The following MAML2 variants were observed in gnomAD, a reference collection of about 807,000 sequenced individuals.
MAML2 encodes mastermind like transcriptional coactivator 2.
MAML2 carries 22 observed loss-of-function variants against 96.1 expected under a neutral mutation model. That is an observed-to-expected ratio of 0.23 (90% CI 0.16 to 0.33). MAML2 has a LOEUF of 0.33. MAML2 is among the 10% of genes least tolerant of loss of function. The probability of loss-of-function intolerance (pLI) is 1.00; values close to 1 mark genes in which losing one functional copy is unlikely to be tolerated. For synonymous variants in MAML2, 561 were observed against 521.3 expected, an observed-to-expected ratio of 1.08 and a Z score of -1.04; for missense variants, 1,367 against 1,392.4, an observed-to-expected ratio of 0.98 and a Z score of 0.29.
Position 96,092,676 on chromosome 11 carries a change from T to C in MAML2, c.1355A>G (p.His452Arg). 2 of 1,613,966 alleles carry C rather than the reference T, an allele frequency of 1.2e-6. No homozygotes were observed. Among genetic ancestry groups the C allele is most frequent in the Non-Finnish European group, 1.7e-6 (2 of 1,179,872 alleles). Residue 452 changes from histidine (H) to arginine (R), a missense_variant, in exon 2 of 5, where the codon CAC (histidine) becomes CGC (arginine). His to Arg is a conservative substitution (Grantham distance 29). Coordinates refer to ENST00000524717, the MANE Select transcript of MAML2 (RefSeq NM_032427.4). The surrounding 1 kb of genome is among the most constrained non-coding windows in gnomAD (Gnocchi z 4.1). ...NRQQHARMQQ[H>R]QQQHQPTNWS... Reference sequence around the variant, plus strand: ...GTTGGTAGGCTGGTGCTGCTGCTGGTGCTGCTGCATCCGGGCATGCTGCTG... The same window carrying C: ...GTTGGTAGGCTGGTGCTGCTGCTGGCGCTGCTGCATCCGGGCATGCTGCTG...
At chr11:96,063,505 G>A (rs1275860721) in intron 2 of MAML2, among the ~76,000 whole-genome samples, 1 of 152,160 alleles carries the variant, frequency 6.6e-6, no homozygotes, top group African/African-American at 2.4e-5. Flanking sequence ...GGACTGAGTA[G>A]TAACTATGTA....
intron 2 of MAML2, among the ~76,000 whole-genome samples, chr11:96,038,948 T>C (rs977900050): frequency 6.6e-6 from 1 of 152,144 alleles, no homozygotes; most frequent in Non-Finnish European, 1.5e-5. Flanking sequence ...AATGAATAAA[T>C]AAATGAATGA....
At chr11:96,332,744 G>A (rs1316589704) in intron 1 of MAML2, among the ~76,000 whole-genome samples, 1 of 152,186 alleles carries the variant, frequency 6.6e-6, no homozygotes, top group Non-Finnish European at 1.5e-5. Context: ...TAGGTGAACA[G>A]AAACATCAAC....
intron 1 of MAML2, among the ~76,000 whole-genome samples, chr11:96,105,960 T>A (rs1860015083): frequency 1.3e-5 from 2 of 152,104 alleles, no homozygotes; most frequent in African/African-American, 4.8e-5. Context: ...ATAGAAAAGG[T>A]CCTTTGCTTT....
chr11:96,092,204 CTGCTGT>C lies in MAML2; in HGVS notation c.1821_1826del (p.Gln620_Gln621del), dbSNP rs1298646755. 1.7e-5 allele frequency: 25 copies of C among 1,475,034 alleles called. No homozygotes were observed. The highest frequency in any genetic ancestry group is 1.3e-4 in the East Asian group (5 of 37,802). 91.4% of individuals were successfully genotyped at this position (1,475,034 alleles called of 1,614,324 possible). On this transcript the variant is annotated inframe_deletion, in exon 2 of 5. Coordinates refer to ENST00000524717, the MANE Select transcript of MAML2 (RefSeq NM_032427.4). The surrounding 1 kb of genome is among the most constrained non-coding windows in gnomAD (Gnocchi z 4.1). ...GTTGCTGTTGCTGTTGCTGCTGCTGCTGCTGTTGCTGCTGCTGCTGCTGCTGCTGCT... is the reference window on the plus strand; with the variant it reads ...GTTGCTGTTGCTGTTGCTGCTGCTGCTGCTGCTGCTGCTGCTGCTGCTGCT...
chr11:96,247,496 A>G (rs1040442957), intron 1 of MAML2, among the ~76,000 whole-genome samples: 1 of 152,164 alleles, frequency 6.6e-6, no homozygotes, highest in Non-Finnish European at 1.5e-5. Flanking sequence ...CCAGAATGAT[A>G]GATTGGCATC....
intron 1 of MAML2, among the ~76,000 whole-genome samples, chr11:96,100,539 A>C (rs1202652389): frequency 2.0e-5 from 3 of 151,614 alleles, no homozygotes; most frequent in African/African-American, 7.3e-5. Flanking sequence ...TGAACTCCCG[A>C]CCTCAAGTGA....
chr11:96,076,318 G>A (rs944455150), intron 2 of MAML2, among the ~76,000 whole-genome samples: 7 of 152,062 alleles, frequency 4.6e-5, no homozygotes, highest in African/African-American at 1.7e-4. Flanking sequence ...AGACACACCA[G>A]CTCCCCTCTT....
At chr11:96,104,434 T>C (rs4753720) in intron 1 of MAML2, among the ~76,000 whole-genome samples, 44,349 of 152,122 alleles carry the variant, frequency 0.29, 7,479 homozygotes, top group East Asian at 0.76. Context: ...AATTAAATAA[T>C]TAAGACTGAA....
intron 1 of MAML2, among the ~76,000 whole-genome samples, chr11:96,106,980 C>CTTT (rs71040129): frequency 3.3e-5 from 3 of 90,298 alleles, no homozygotes; most frequent in Non-Finnish European, 6.1e-5. Flanking sequence ...GAAAAGAGTC[C>CTTT]TTTTTTTTTT....
chr11:96,062,641 T>C (rs188147355), intron 2 of MAML2, among the ~76,000 whole-genome samples: 9 of 152,220 alleles, frequency 5.9e-5, no homozygotes, highest in African/African-American at 1.9e-4. Flanking sequence ...CTGCTAATTT[T>C]ACCTCTTAGA....
In MAML2 at chr11:96,310,779, C is replaced by G. The variant is rs184327563; in HGVS notation, c.513+30604G>C. ...CAGGTGTAAAAAGGGAAAATATGGT[C>G]AACTCTTCTGCGTCCAGTGTTGTAA... is the stretch of plus-strand genomic sequence containing the variant. On this transcript the variant is annotated intron_variant, in intron 1 of 4. Coordinates refer to ENST00000524717, the MANE Select transcript of MAML2 (RefSeq NM_032427.4). 9.2e-4 allele frequency among the ~76,000 whole-genome samples: 140 copies of G among 152,292 alleles called. 1 individual carries two copies. Among genetic ancestry groups the G allele is most frequent in the African/African-American group, 3.2e-3 (132 of 41,556 alleles).
rs376225244 is a variant in MAML2 at position 96,236,325 on chromosome 11, ATAT to A, written c.513+105055_513+105057del. ...TACTTGACAGAATAAAAGATTTGAG[ATAT>A]TATGTTATCTTAAAAACAAAATCAC... is the stretch of plus-strand genomic sequence containing the variant. On this transcript the variant is annotated intron_variant, in intron 1 of 4. Coordinates refer to ENST00000524717, the MANE Select transcript of MAML2 (RefSeq NM_032427.4). Among the ~76,000 whole-genome samples, 64 of 152,362 alleles carry A rather than the reference ATAT, an allele frequency of 4.2e-4. No homozygotes were observed. The East Asian group carries it at 0.01, about 24-fold the overall frequency.
intron 1 of MAML2, among the ~76,000 whole-genome samples, chr11:96,306,474 C>G (rs1863463484): frequency 6.6e-6 from 1 of 152,202 alleles, no homozygotes; most frequent in South Asian, 2.1e-4. Flanking sequence ...GTTCTCCAAG[C>G]TCCAGAATTT....
At position 95,990,841 on chromosome 11, in the gene MAML2, G is replaced by T. The variant is rs191449190; in HGVS notation, c.2343+679C>A. ...GCCAAATAGTTTGAAGGGAGGCAATGAAACCAGGGCTGAGCAGATAAATAC... is the reference window on the plus strand; with the variant it reads ...GCCAAATAGTTTGAAGGGAGGCAATTAAACCAGGGCTGAGCAGATAAATAC... On this transcript the variant is annotated intron_variant, in intron 3 of 4. Coordinates refer to ENST00000524717, the MANE Select transcript of MAML2 (RefSeq NM_032427.4). 1.5e-3 allele frequency among the ~76,000 whole-genome samples: 222 copies of T among 152,236 alleles called. 1 individual carries two copies. The highest frequency in any genetic ancestry group is 5.1e-3 in the African/African-American group (213 of 41,552).
chr11:96,068,092 T>A (rs966463404), intron 2 of MAML2, among the ~76,000 whole-genome samples: 2 of 152,234 alleles, frequency 1.3e-5, no homozygotes, highest in Non-Finnish European at 2.9e-5. Context: ...TTCTTCTTAA[T>A]GTAGTTAAAT....
chr11:96,203,785 T>C (rs1861858897), intron 1 of MAML2, among the ~76,000 whole-genome samples: 1 of 152,370 alleles, frequency 6.6e-6, no homozygotes, highest in South Asian at 2.1e-4. Context: ...TGAAAATATT[T>C]AGCCTACCCA....
chr11:96,093,649 C>G (rs1449073501), intron 1 of MAML2, 132 bp from the exon 2 acceptor site: 13 of 663,710 alleles, frequency 2.0e-5, no homozygotes, highest in Non-Finnish European at 2.8e-5. Context: ...AAAAATGGCA[C>G]AGAGAGAGCA....
chr11:95,993,991 G>A (rs1857953829), intron 2 of MAML2, among the ~76,000 whole-genome samples: 1 of 152,198 alleles, frequency 6.6e-6, no homozygotes, highest in Non-Finnish European at 1.5e-5. Context: ...AGCTGTAAGT[G>A]GCCGAGGAGG....
Sources: allele counts gnomAD v4.1 joint callset (sites outside exome capture counted in the v4.1 genomes callset), GRCh38; gene constraint gnomAD v4.1.1; non-coding constraint Gnocchi (gnomAD v3.1); transcripts MANE v1.5; gene names NCBI Gene and HGNC (gene_info 2026-07-23, HGNC 2026-07-21).